NR2F1-AS1: variants seen among roughly 807,000 people sequenced by gnomAD.
NR2F1-AS1 encodes NR2F1 antisense RNA 1.
chr5:93,567,808 C>T (rs1752652096), intron 1 of NR2F1-AS1, among the ~76,000 whole-genome samples: 1 of 152,172 alleles, frequency 6.6e-6, no homozygotes, highest in Admixed American at 6.5e-5. Flanking sequence ...GTGGTGAACC[C>T]AAGGGCCAGT....
intron 1 of NR2F1-AS1, among the ~76,000 whole-genome samples, chr5:93,576,638 A>G (rs1752901794): frequency 1.3e-5 from 2 of 152,172 alleles, no homozygotes; most frequent in Non-Finnish European, 2.9e-5. Flanking sequence ...CTTTTCCACT[A>G]GTTTATCTCA....
At chr5:93,516,695 C>A (rs1274840884) in intron 4 of NR2F1-AS1, among the ~76,000 whole-genome samples, 1 of 151,920 alleles carries the variant, frequency 6.6e-6, no homozygotes, top group African/African-American at 2.4e-5. Context: ...CCCAGATGTT[C>A]TGACTCTTCA....
In NR2F1-AS1 at chr5:93,446,307, G is replaced by A. The variant is rs529288760; in HGVS notation, n.639-50765C>T. Among the ~76,000 whole-genome samples, 334 of 152,252 alleles carry A rather than the reference G, an allele frequency of 2.2e-3. 2 individuals carry two copies. The highest frequency in any genetic ancestry group is 2.1e-3 in the South Asian group (10 of 4,822). On this transcript the variant is annotated intron_variant and non_coding_transcript_variant, in intron 4 of 5. Coordinates refer to ENST00000660523, the Ensembl canonical transcript of NR2F1-AS1. ...GATTATATATTTAGAAAACCCCATC[G>A]TCTCAGCCCAAAATCTCCTTAAGCT... is the stretch of plus-strand genomic sequence containing the variant.
chr5:93,515,344 T>C (rs1751379134), intron 4 of NR2F1-AS1, among the ~76,000 whole-genome samples: 1 of 151,952 alleles, frequency 6.6e-6, no homozygotes, highest in South Asian at 2.1e-4. Flanking sequence ...CCCTGTGATA[T>C]ATAAGATATC....
At chr5:93,531,135 T>G (rs191101893) in intron 4 of NR2F1-AS1, among the ~76,000 whole-genome samples, 113 of 152,298 alleles carry the variant, frequency 7.4e-4, no homozygotes, top group Non-Finnish European at 1.1e-3. Flanking sequence ...AAATACATAA[T>G]GTCCCATACT....
At chr5:93,421,167 T>TA (rs996818851) in intron 4 of NR2F1-AS1, among the ~76,000 whole-genome samples, 1 of 152,124 alleles carries the variant, frequency 6.6e-6, no homozygotes, top group African/African-American at 2.4e-5. Context: ...CAGTATAAAG[T>TA]AAAATCAAAC....
At chr5:93,458,262 A>G (rs763770895) in intron 4 of NR2F1-AS1, among the ~76,000 whole-genome samples, 1 of 152,210 alleles carries the variant, frequency 6.6e-6, no homozygotes, top group Non-Finnish European at 1.5e-5. Context: ...TTTGAGAAAA[A>G]AATTGGAGGA....
rs566623271 is a variant in NR2F1-AS1 at position 93,514,598 on chromosome 5, C to T, written n.638+39163G>A. On this transcript the variant is annotated intron_variant and non_coding_transcript_variant, in intron 4 of 5. Coordinates refer to ENST00000660523, the Ensembl canonical transcript of NR2F1-AS1. ...CTTGCCATTCAGCAATCAATAAGAACTTAAGTATTATTAACATATCTCTTT... is the reference window on the plus strand; with the variant it reads ...CTTGCCATTCAGCAATCAATAAGAATTTAAGTATTATTAACATATCTCTTT... 1.1e-4 allele frequency among the ~76,000 whole-genome samples: 17 copies of T among 152,158 alleles called. No individual in the cohort carries two copies. In the South Asian group the frequency reaches 2.5e-3, roughly 22 times the overall value.
At chr5:93,517,391 G>A (rs1398555255) in intron 4 of NR2F1-AS1, among the ~76,000 whole-genome samples, 2 of 151,888 alleles carry the variant, frequency 1.3e-5, no homozygotes, top group African/African-American at 4.8e-5. Flanking sequence ...AAACATGCTG[G>A]TGATATCTCC....
chr5:93,580,146 C>A (rs1752989066), intron 1 of NR2F1-AS1, among the ~76,000 whole-genome samples: 1 of 152,228 alleles, frequency 6.6e-6, no homozygotes, highest in Non-Finnish European at 1.5e-5. Flanking sequence ...GCCCGGGCAT[C>A]CGTTTCCCGC....
At chr5:93,553,018 T>C (rs1752268608) in intron 4 of NR2F1-AS1, among the ~76,000 whole-genome samples, 1 of 151,946 alleles carries the variant, frequency 6.6e-6, no homozygotes, top group South Asian at 2.1e-4. Context: ...GTCTCTGGAA[T>C]AGCAAACTTG....
chr5:93,437,716 T>G (rs764101689), intron 4 of NR2F1-AS1, among the ~76,000 whole-genome samples: 27 of 152,204 alleles, frequency 1.8e-4, no homozygotes, highest in Non-Finnish European at 3.1e-4. Context: ...TCATGATGTT[T>G]AATTAGGCAA....
chr5:93,430,165 G>A (rs1339090756), intron 4 of NR2F1-AS1, among the ~76,000 whole-genome samples: 1 of 152,252 alleles, frequency 6.6e-6, no homozygotes, highest in Non-Finnish European at 1.5e-5. Context: ...GAGTGAGGGA[G>A]TGAGACAATT....
At position 93,557,249 on chromosome 5, in the gene NR2F1-AS1, GACCC is replaced by G. The variant is rs566943868; in HGVS notation, n.414-2258_414-2255del. On this transcript the variant is annotated intron_variant and non_coding_transcript_variant, in intron 2 of 5. Coordinates refer to ENST00000660523, the Ensembl canonical transcript of NR2F1-AS1. ...TTTTCATGCTGTGAAAATGTGATCT[GACCC>G]ATAATACAACCAAAACATAGTATAA... is the stretch of plus-strand genomic sequence containing the variant. Among the ~76,000 whole-genome samples, 297 of 152,270 alleles carry G rather than the reference GACCC, an allele frequency of 2.0e-3. 3 individuals carry two copies. The highest frequency in any genetic ancestry group is 6.9e-3 in the African/African-American group (286 of 41,558).
At chr5:93,456,573 T>G (rs553545372) in intron 4 of NR2F1-AS1, among the ~76,000 whole-genome samples, 116 of 152,314 alleles carry the variant, frequency 7.6e-4, no homozygotes, top group African/African-American at 2.6e-3. Flanking sequence ...AGTAAGCCTT[T>G]TTGTAGAAAC....
chr5:93,551,631 G>A (rs892855295), intron 4 of NR2F1-AS1, among the ~76,000 whole-genome samples: 1 of 151,874 alleles, frequency 6.6e-6, no homozygotes, highest in African/African-American at 2.4e-5. Flanking sequence ...GATAACAAAT[G>A]GGCTCCTCCT....
At chr5:93,447,905 T>C (rs1749750224) in intron 4 of NR2F1-AS1, among the ~76,000 whole-genome samples, 1 of 152,114 alleles carries the variant, frequency 6.6e-6, no homozygotes, top group African/African-American at 2.4e-5. Context: ...TGCAGGGACA[T>C]GGATGAAGCT....
chr5:93,487,197 T>C (rs1317946334), intron 4 of NR2F1-AS1, among the ~76,000 whole-genome samples: 9 of 152,148 alleles, frequency 5.9e-5, no homozygotes, highest in African/African-American at 2.4e-5. Context: ...AAGATAAGGA[T>C]ACCCTCTCTC....
chr5:93,484,700 G>A (rs1057183784), intron 4 of NR2F1-AS1, among the ~76,000 whole-genome samples: 3 of 150,386 alleles, frequency 2.0e-5, no homozygotes, highest in African/African-American at 7.4e-5. Context: ...CTGTATTCAG[G>A]AGACACATCT....
Sources: gnomAD v4.1 joint callset for allele counts (sites outside exome capture counted in the v4.1 genomes callset) on GRCh38, gnomAD v4.1.1 for gene constraint, MANE v1.5 for transcripts, NCBI Gene and HGNC (gene_info 2026-07-23, HGNC 2026-07-21) for gene names.